TTC21A: variants seen among roughly 807,000 people sequenced by gnomAD.
The protein encoded by TTC21A is tetratricopeptide repeat domain 21A.
A neutral mutation model predicts 156.4 loss-of-function variants in TTC21A; 128 were observed. That is an observed-to-expected ratio of 0.82 (90% CI 0.71 to 0.95). TTC21A has a LOEUF of 0.95. TTC21A is among the 40% of genes least tolerant of loss of function. TTC21A has a pLI of 0.00. For missense variants in TTC21A, 1,435 were observed against 1,602.3 expected (o/e 0.90, Z 1.78); for synonymous variants, 587 against 617.1 (o/e 0.95, Z 0.72).
At position 39,137,719 on chromosome 3, in the gene TTC21A, CCA is replaced by C. The variant is rs142898473; in HGVS notation, c.3675+19_3675+20del. On this transcript the variant is annotated intron_variant, in intron 26 of 28. Transcript: ENST00000683103. ...GTGTGCAATACAACAAGGCAAGGAG[CCA>C]CACACACACTAGGGCTGCGGGATGG... is the stretch of plus-strand genomic sequence containing the variant. 24 of 1,606,852 alleles carry C rather than the reference CCA, an allele frequency of 1.5e-5. No homozygotes were observed. The highest frequency in any genetic ancestry group is 2.2e-5 in the East Asian group (1 of 44,704).
At position 39,119,121 on chromosome 3, in the gene TTC21A, A is replaced by C. The variant is rs1330031095; in HGVS notation, c.802-801A>C. The C allele has an allele frequency of 2.0e-5, 3 of 152,332 alleles. No individual in the cohort carries two copies. In the East Asian group the frequency reaches 5.8e-4, roughly 29 times the overall value. 9.4% of individuals were successfully genotyped at this position (152,332 alleles called of 1,614,324 possible). On this transcript the variant is annotated intron_variant, in intron 7 of 28. Coordinates refer to ENST00000683103, the MANE Select transcript of TTC21A (RefSeq NM_001366900.1). ...ATTTAGCTAACTGAGATTTAGCATT[A>C]GCCCCTTTTTTACTCCCACTTCAAA...
chr3:39,132,914 CAG>C, intron 19 of TTC21A, 136 bp from the exon 20 acceptor site: 1 of 904,164 alleles, frequency 1.1e-6, no homozygotes, highest in South Asian at 1.6e-5. Flanking sequence ...TTTGCCTATT[CAG>C]AGTGACCCAA....
intron 12 of TTC21A, 130 bp downstream of exon 12, chr3:39,126,520 A>ACACACACACACACT (rs1491529137): frequency 1.2e-6 from 1 of 821,216 alleles, no homozygotes; most frequent in African/African-American, 2.3e-5. Context: ...ACACACACAC[A>ACACACACACACACT]CTCTCCTTGC....
At chr3:39,110,226 C>T in intron 3 of TTC21A, 87 bp downstream of exon 3, 1 of 999,478 alleles carries the variant, frequency 1.0e-6, no homozygotes. Flanking sequence ...CAAGGGCTGC[C>T]AAAGGAGGTA....
rs550739018 is a variant in TTC21A, at chr3:39,135,090, T to G, written c.2863-3T>G. The G allele has an allele frequency of 6.2e-7, 1 of 1,613,924 alleles. No homozygotes were observed. Among genetic ancestry groups the G allele is most frequent in the Non-Finnish European group, 8.5e-7 (1 of 1,179,916 alleles). On this transcript the variant is annotated splice_region_variant and splice_polypyrimidine_tract_variant and intron_variant, in intron 21 of 28. Transcript: ENST00000683103. ...ATCTGGAGCTTTGTGTGTTTTCTGATAGTTGATGGCTGACCTGATGTTTAG... is the reference window on the plus strand; with the variant it reads ...ATCTGGAGCTTTGTGTGTTTTCTGAGAGTTGATGGCTGACCTGATGTTTAG...
At chr3:39,129,626 T>C (rs1230560527) in intron 15 of TTC21A, among the ~76,000 whole-genome samples, 1 of 152,230 alleles carries the variant, frequency 6.6e-6, no homozygotes, top group African/African-American at 2.4e-5. Flanking sequence ...TGTCTCTGTA[T>C]GATTTTGCAT....
chr3:39,126,140 G>C (rs2038215547), intron 11 of TTC21A, 121 bp from the exon 12 acceptor site: 1 of 1,250,478 alleles, frequency 8.0e-7, no homozygotes, highest in Non-Finnish European at 1.1e-6. Flanking sequence ...TGATACAGAG[G>C]ATAATAAATA....
In TTC21A at chr3:39,136,340, T is replaced by C; in HGVS notation, c.2945-17T>C. ...TACTGGGCATTTCAGCCTGGAGATT[T>C]CTGTCTCTTATTTTAGACAATTTTT... is the stretch of plus-strand genomic sequence containing the variant. On this transcript the variant is annotated splice_polypyrimidine_tract_variant and intron_variant, in intron 22 of 28. Coordinates refer to ENST00000683103, the MANE Select transcript of TTC21A (RefSeq NM_001366900.1). 1 of 1,606,398 alleles carries C rather than the reference T, an allele frequency of 6.2e-7. No individual in the cohort carries two copies. Among genetic ancestry groups the C allele is most frequent in the South Asian group, 1.1e-5 (1 of 90,134 alleles).
At chr3:39,122,577 C>T (rs1031571213) in intron 9 of TTC21A, among the ~76,000 whole-genome samples, 4 of 152,078 alleles carry the variant, frequency 2.6e-5, no homozygotes, top group Non-Finnish European at 5.9e-5. Flanking sequence ...AAGCATGCCA[C>T]GGGGCAGTGA....
At position 39,137,702 on chromosome 3, in the gene TTC21A, TACA is replaced by T. The variant is rs776806919; in HGVS notation, c.3672_3674del (p.Asn1224del). 37 of 1,611,724 alleles carry T rather than the reference TACA, an allele frequency of 2.3e-5. No homozygotes were observed. Among genetic ancestry groups the T allele is most frequent in the Non-Finnish European group, 3.1e-5 (36 of 1,179,244 alleles). ...AGAACTGCTGCGGCGCTGTGTGCAA[TACA>T]ACAAGGCAAGGAGCCACACACACAC... On this transcript the variant is annotated inframe_deletion, in exon 26 of 29. Transcript: ENST00000683103.
At chr3:39,124,096 A>C (rs888313263) in intron 9 of TTC21A, among the ~76,000 whole-genome samples, 3 of 152,240 alleles carry the variant, frequency 2.0e-5, no homozygotes, top group Non-Finnish European at 4.4e-5. Context: ...GACCTTATCT[A>C]TCAGTATTTT....
Position 39,110,159 on chromosome 3 carries a change from A to T in TTC21A, c.268+20A>T. 1.9e-6 allele frequency: 3 copies of T among 1,570,834 alleles called. No individual in the cohort carries two copies. Among genetic ancestry groups the T allele is most frequent in the African/African-American group, 2.7e-5 (2 of 74,220 alleles). ...TCATTGGTGAGTGCCACCATGCTCAACCAGGCCTGACCCACCAGGGGAAGG... is the reference window on the plus strand; with the variant it reads ...TCATTGGTGAGTGCCACCATGCTCATCCAGGCCTGACCCACCAGGGGAAGG... On this transcript the variant is annotated intron_variant, in intron 3 of 28. Coordinates refer to ENST00000683103, the MANE Select transcript of TTC21A (RefSeq NM_001366900.1).
At chr3:39,111,096 C>T in intron 4 of TTC21A, 79 bp downstream of exon 4, 8 of 1,462,094 alleles carry the variant, frequency 5.5e-6, no homozygotes, top group Non-Finnish European at 7.3e-6. Context: ...CTCATTCCCA[C>T]AAAGGGCCCT....
intron 6 of TTC21A, 87 bp from the exon 7 acceptor site, chr3:39,117,982 T>C: frequency 1.1e-6 from 1 of 928,628 alleles, no homozygotes; most frequent in Non-Finnish European, 1.8e-6. Context: ...AGAATGGATA[T>C]TCAAAGACAA....
chr3:39,108,439 G>A (rs1055569076), intron 1 of TTC21A: 1 of 154,794 alleles, frequency 6.5e-6, no homozygotes, highest in Non-Finnish European at 1.4e-5. Flanking sequence ...ACATGCAAAA[G>A]CAGCCAGAGT....
chr3:39,118,449 T>G, intron 7 of TTC21A: 2 of 485,310 alleles, frequency 4.1e-6, no homozygotes, highest in South Asian at 6.1e-5. Context: ...GGCTTCCTGT[T>G]TGTAAAATAG....
At chr3:39,113,218 T>C (rs180705606) in intron 5 of TTC21A, among the ~76,000 whole-genome samples, 183 of 152,296 alleles carry the variant, frequency 1.2e-3, no homozygotes, top group Non-Finnish European at 2.0e-3. Flanking sequence ...AGACAAATGT[T>C]AGTATTTTAG....
chr3:39,114,724 C>G lies in TTC21A; in HGVS notation c.698C>G (p.Thr233Arg). Residue 233 changes from threonine (T) to arginine (R), a missense_variant, in exon 6 of 29, where the codon ACA becomes AGA. By Grantham distance (71) the Thr-to-Arg change is moderately conservative. Coordinates refer to ENST00000683103, the MANE Select transcript of TTC21A (RefSeq NM_001366900.1). ...LFLARQDWEQ[T>R]VEMGHRILEK... ...TTAGCTCGGCAGGACTGGGAGCAGACAGTAGAAATGGGACACAGGTGAGCT... is the reference window on the plus strand; with the variant it reads ...TTAGCTCGGCAGGACTGGGAGCAGAGAGTAGAAATGGGACACAGGTGAGCT... 2 of 1,614,188 alleles carry G rather than the reference C, an allele frequency of 1.2e-6. No individual in the cohort carries two copies. Among genetic ancestry groups the G allele is most frequent in the Non-Finnish European group, 1.7e-6 (2 of 1,180,036 alleles).
chr3:39,137,459 G>A, intron 25 of TTC21A, 27 bp from the exon 26 acceptor site: 1 of 1,612,584 alleles, frequency 6.2e-7, no homozygotes. Context: ...AACACGTGCT[G>A]ACGTCCACTT....
Sources: allele counts gnomAD v4.1 joint callset (sites outside exome capture counted in the v4.1 genomes callset), GRCh38; gene constraint gnomAD v4.1.1; transcripts MANE v1.5; gene names NCBI Gene and HGNC (gene_info 2026-07-23, HGNC 2026-07-21).